KIF13B: variants seen among roughly 807,000 people sequenced by gnomAD.
KIF13B encodes the protein kinesin-like protein KIF13B.
Under a neutral mutation model 222.0 loss-of-function variants are expected in KIF13B, and 127 were observed. The ratio of observed to expected loss-of-function variants is 0.57; its 90% CI spans 0.50 to 0.66. The LOEUF is 0.66. Ranked by LOEUF, KIF13B falls within the 30% of genes least tolerant of loss-of-function variation. KIF13B has a pLI of 0.00. For synonymous variants in KIF13B, 976 were observed against 919.0 expected (o/e 1.06, Z -1.12); for missense variants, 2,173 against 2,379.0 (o/e 0.91, Z 1.80).
chr8:29,196,864 C>T (rs1412864720), intron 2 of KIF13B, among the ~76,000 whole-genome samples: 4 of 152,182 alleles, frequency 2.6e-5, no homozygotes, highest in African/African-American at 7.2e-5. Context: ...TTGAGTGTTA[C>T]GTGGGTACTC....
intron 3 of KIF13B, among the ~76,000 whole-genome samples, chr8:29,194,618 A>G (rs956591011): frequency 6.6e-6 from 1 of 152,208 alleles, no homozygotes; most frequent in African/African-American, 2.4e-5. Flanking sequence ...TATTTACTAC[A>G]GCTCTAAATG....
At chr8:29,191,858 T>G (rs774912225) in intron 3 of KIF13B, among the ~76,000 whole-genome samples, 18 of 152,238 alleles carry the variant, frequency 1.2e-4, no homozygotes, top group Non-Finnish European at 2.1e-4. Context: ...ATCTACTTAC[T>G]TGTGTTTTGT....
chr8:29,184,658 C>T (rs779573194), intron 6 of KIF13B, among the ~76,000 whole-genome samples: 6 of 152,068 alleles, frequency 3.9e-5, no homozygotes, highest in Non-Finnish European at 5.9e-5. Flanking sequence ...AACCTATACC[C>T]AAGACAAACA....
chr8:29,140,756 T>C (rs542586500), intron 19 of KIF13B, 139 bp from the exon 20 acceptor site: 55 of 793,294 alleles, frequency 6.9e-5, no homozygotes, highest in Non-Finnish European at 1.8e-5. Context: ...GAGTAAAACA[T>C]TCTAAAGTTT....
intron 35 of KIF13B, among the ~76,000 whole-genome samples, chr8:29,101,987 C>G (rs1373100869): frequency 6.6e-6 from 1 of 152,002 alleles, no homozygotes; most frequent in Non-Finnish European, 1.5e-5. Context: ...CGGCTACACA[C>G]ACTGTTCCCC....
intron 2 of KIF13B, among the ~76,000 whole-genome samples, chr8:29,221,327 T>C (rs1296134941): frequency 6.6e-6 from 1 of 151,830 alleles, no homozygotes; most frequent in African/African-American, 2.4e-5. Flanking sequence ...GGTCTCGAAC[T>C]GCTGACCTCA....
chr8:29,180,078 AACAGGTCATG>A lies in KIF13B; in HGVS notation c.720+16_720+25del, dbSNP rs746257025. Reference sequence around the variant, plus strand: ...CCACAATCCACTTTAGAAATATAAAAACAGGTCATGCATCTGAACACCTACCCCAGACTTC... The same window carrying A: ...CCACAATCCACTTTAGAAATATAAAACATCTGAACACCTACCCCAGACTTC... On this transcript the variant is annotated intron_variant, in intron 8 of 39. Coordinates refer to ENST00000524189, the MANE Select transcript of KIF13B (RefSeq NM_015254.4). 5 of 1,611,676 alleles carry A rather than the reference AACAGGTCATG, an allele frequency of 3.1e-6. No individual in the cohort carries two copies. The highest frequency in any genetic ancestry group is 4.2e-6 in the Non-Finnish European group (5 of 1,179,030).
At chr8:29,189,543 A>G (rs4732915) in intron 4 of KIF13B, 6,685 of 152,306 alleles carry the variant, frequency 0.044, 312 homozygotes, top group African/African-American at 0.11. Context: ...ATTTAGAAGA[A>G]TAATAGAGTA....
rs10088187 is a variant in KIF13B at position 29,252,323 on chromosome 8, G to A, written c.56-6884C>T. Among the ~76,000 whole-genome samples, 1,208 of 152,308 alleles carry A rather than the reference G, an allele frequency of 7.9e-3. 12 individuals carry two copies. Among genetic ancestry groups the A allele is most frequent in the African/African-American group, 0.027 (1,138 of 41,552 alleles). On this transcript the variant is annotated intron_variant, in intron 1 of 39. Transcript: ENST00000524189. ...ACCCAGTGACATCATAGTAAAACAC[G>A]GGCAGGGCCTGGGAGACTCCCTTTA...
intron 2 of KIF13B, chr8:29,218,904 C>T (rs1304137880): frequency 1.3e-5 from 2 of 152,228 alleles, no homozygotes; most frequent in African/African-American, 4.8e-5. Context: ...AATAACAAAG[C>T]GTGGGCAAAG....
rs751461456 is a variant in KIF13B, at chr8:29,072,200, C to CGCTGTGACA, written c.4629_4637dup (p.Ala1546_Thr1548dup). On this transcript the variant is annotated inframe_insertion, in exon 39 of 40. Transcript: ENST00000524189. Reference sequence around the variant, plus strand: ...CCTGTGCCTCCGGAGCCGGGGTGACCGCTGTGACAGCTATGACAGGCGGTG... The same window carrying CGCTGTGACA: ...CCTGTGCCTCCGGAGCCGGGGTGACCGCTGTGACAGCTGTGACAGCTATGACAGGCGGTG... 3.4e-6 allele frequency: 5 copies of CGCTGTGACA among 1,454,746 alleles called. No individual in the cohort carries two copies. In the South Asian group the frequency reaches 6.0e-5, roughly 17 times the overall value. The allele number at this position is 1,454,746 out of a possible 1,614,324, so 90.1% of individuals were successfully genotyped here.
chr8:29,198,124 G>A (rs1813523736), intron 2 of KIF13B, among the ~76,000 whole-genome samples: 1 of 152,140 alleles, frequency 6.6e-6, no homozygotes, highest in African/African-American at 2.4e-5. Flanking sequence ...AGAAAGTCTA[G>A]CAAATGAGTG....
chr8:29,228,472 A>AAAAAATATATATATATATATATATAT, intron 2 of KIF13B, among the ~76,000 whole-genome samples: 2 of 117,042 alleles, frequency 1.7e-5, no homozygotes, highest in Non-Finnish European at 1.8e-5. Context: ...ATCTTAAAAA[A>AAAAAATATATATATATATATATATAT]ATATATATAT....
At chr8:29,098,670 G>A (rs1383803743) in intron 36 of KIF13B, among the ~76,000 whole-genome samples, 3 of 150,686 alleles carry the variant, frequency 2.0e-5, no homozygotes, top group South Asian at 2.1e-4. Context: ...TTCCAGGCCC[G>A]GATCATGTAA....
In KIF13B at chr8:29,070,679, C is replaced by T. The variant is rs1807220653; in HGVS notation, c.5306G>A (p.Arg1769Lys). Residue 1769 changes from arginine (R) to lysine (K), a missense_variant, in exon 40 of 40, where the codon AGG (arginine) becomes AAG (lysine). Physicochemically the swap from Arg to Lys is conservative, Grantham distance 26. Around this residue, in one of 2 missense-constraint regions of KIF13B, gnomAD observed 693 missense variants for 656.2 expected, o/e 1.06. Transcript: ENST00000524189. This position sits in a 1 kb window ranked among gnomAD's most constrained non-coding sequence, Gnocchi z 4.1. ...GCGCCGCCGCACAGGGCCCGTGGCC[C>T]TGCGGACCCGGCTGGGCCTGACCAG... is the stretch of plus-strand genomic sequence containing the variant. ...GLLVRPSRVR[R>K]ATGPVRRRST... 28 of 1,561,302 alleles carry T rather than the reference C, an allele frequency of 1.8e-5. No homozygotes were observed. Among genetic ancestry groups the T allele is most frequent in the Non-Finnish European group, 2.4e-5 (28 of 1,153,232 alleles).
intron 2 of KIF13B, among the ~76,000 whole-genome samples, chr8:29,222,085 G>A (rs938878477): frequency 5.3e-5 from 8 of 151,978 alleles, no homozygotes; most frequent in Admixed American, 2.6e-4. Context: ...AGTGGCTCCC[G>A]ACTACAATCC....
chr8:29,124,133 A>T lies in KIF13B; in HGVS notation c.3253-10T>A. ...TCTCTAAATCTCGATCCTGGAAGCA[A>T]GCAAGGAAAATCATATTCAATGTAA... is the stretch of plus-strand genomic sequence containing the variant. On this transcript the variant is annotated splice_polypyrimidine_tract_variant and intron_variant, in intron 26 of 39. Coordinates refer to ENST00000524189, the MANE Select transcript of KIF13B (RefSeq NM_015254.4). The T allele has an allele frequency of 6.6e-7, 1 of 1,517,614 alleles. No homozygotes were observed. The highest frequency in any genetic ancestry group is 9.1e-7 in the Non-Finnish European group (1 of 1,093,924). 94.0% of individuals were successfully genotyped at this position (1,517,614 alleles called of 1,614,324 possible). A position where few individuals can be genotyped will look rare whatever the true frequency, so the allele number is the denominator to read the frequency against.
At chr8:29,104,338 C>T (rs987877235) in intron 35 of KIF13B, among the ~76,000 whole-genome samples, 5 of 152,178 alleles carry the variant, frequency 3.3e-5, no homozygotes, top group Admixed American at 3.3e-4. Flanking sequence ...ACCCAAGTCC[C>T]CTCACTCCAG....
intron 8 of KIF13B, 51 bp downstream of exon 8, chr8:29,180,053 C>T: frequency 1.2e-6 from 2 of 1,601,728 alleles, no homozygotes; most frequent in South Asian, 2.2e-5. Context: ...AAAAATAAAA[C>T]CACAATCCAC....
Sources: allele counts gnomAD v4.1 joint callset (sites outside exome capture counted in the v4.1 genomes callset), GRCh38; gene constraint gnomAD v4.1.1; regional missense constraint gnomAD v4.1.1; non-coding constraint Gnocchi (gnomAD v3.1); transcripts MANE v1.5; gene names NCBI Gene and HGNC (gene_info 2026-07-23, HGNC 2026-07-21).